Variants in ATRX observed in about 807,000 individuals in gnomAD.
ATRX encodes ATRX chromatin remodeler.
Under a neutral mutation model 172.6 loss-of-function variants are expected in ATRX, and 12 were observed. The observed-to-expected ratio is 0.07, with a 90% CI of 0.04 to 0.11. The LOEUF (loss-of-function observed/expected upper bound fraction) is 0.11. ATRX is among the 10% of genes least tolerant of loss of function. The pLI, the probability that ATRX is intolerant of heterozygous loss-of-function variation, is 1.00. For missense variants in ATRX, 1,368 were observed against 1,767.4 expected (o/e 0.77, Z 4.05); for synonymous variants, 674 against 594.7 (o/e 1.13, Z -1.94).
At chrX:77,689,227 G>A (rs1450476196) in intron 6 of ATRX, among the ~76,000 whole-genome samples, 2 of 111,816 alleles carry the variant, frequency 1.8e-5, no homozygotes, top group Non-Finnish European at 3.8e-5. Flanking sequence ...GGGGCCAAGA[G>A]CTCTTATTTT....
intron 30 of ATRX, among the ~76,000 whole-genome samples, chrX:77,525,025 GGTA>G (rs2063338476): frequency 9.0e-6 from 1 of 111,304 alleles, no homozygotes; most frequent in South Asian, 3.9e-4. Context: ...GATTACAACA[GGTA>G]TAATCCATTT....
At chrX:77,666,725 T>C (rs2070259155) in intron 10 of ATRX, among the ~76,000 whole-genome samples, 1 of 111,807 alleles carries the variant, frequency 8.9e-6, no homozygotes, top group African/African-American at 3.3e-5. Flanking sequence ...CTGGGTGTGG[T>C]GGCGCATGCC....
chrX:77,674,463 T>A (rs1285426333), intron 10 of ATRX: 1 of 111,544 alleles, frequency 9.0e-6, no homozygotes, highest in African/African-American at 3.2e-5. Context: ...TTGTATTTTT[T>A]AATCACAAAT....
chrX:77,634,523 A>C, intron 17 of ATRX, 71 bp downstream of exon 17: 1 of 918,662 alleles, frequency 1.1e-6, no homozygotes, highest in African/African-American at 1.9e-5. Context: ...CTGTGCCTGA[A>C]ACATAATAGA....
intron 7 of ATRX, among the ~76,000 whole-genome samples, chrX:77,686,589 G>A (rs1395282049): frequency 3.6e-5 from 4 of 110,005 alleles, no homozygotes; most frequent in South Asian, 3.9e-4. Flanking sequence ...GGTGGCAAGC[G>A]CCTGTAATCC....
At chrX:77,732,931 A>G (rs1268451045) in intron 1 of ATRX, among the ~76,000 whole-genome samples, 1 of 111,681 alleles carries the variant, frequency 9.0e-6, no homozygotes, top group Non-Finnish European at 1.9e-5. Context: ...CAGCAACCAG[A>G]CAAGAGAAAG....
At chrX:77,590,107 A>G (rs1417071872) in intron 26 of ATRX, among the ~76,000 whole-genome samples, 167 bp from the exon 27 acceptor site, 2 of 111,737 alleles carry the variant, frequency 1.8e-5, no homozygotes, top group African/African-American at 3.3e-5. Context: ...GCCACCTCAG[A>G]GGAGGGAAGA....
intron 34 of ATRX, among the ~76,000 whole-genome samples, chrX:77,511,403 C>T (rs916901603): frequency 9.0e-6 from 1 of 111,339 alleles, no homozygotes; most frequent in African/African-American, 3.3e-5. Flanking sequence ...TGCCCAGACA[C>T]GAATCAATGT....
intron 30 of ATRX, among the ~76,000 whole-genome samples, chrX:77,530,732 G>A (rs1292894110): frequency 9.1e-6 from 1 of 110,185 alleles, no homozygotes; most frequent in Admixed American, 9.7e-5. Context: ...GCTAGCAGAA[G>A]ACAAGAAACA....
At chrX:77,651,217 C>CAAAAAAAAAAAAAAAAAAA (rs1170232589) in intron 15 of ATRX, among the ~76,000 whole-genome samples, 3 of 16,482 alleles carry the variant, frequency 1.8e-4, no homozygotes, top group African/African-American at 7.6e-4. Flanking sequence ...AACTCCATCT[C>CAAAAAAAAAAAAAAAAAAA]AAAAAAAAAA....
chrX:77,716,321 A>AT (rs1156236419), intron 2 of ATRX, among the ~76,000 whole-genome samples: 73 of 38,011 alleles, frequency 1.9e-3, no homozygotes, highest in East Asian at 1.0e-2. Flanking sequence ...AAAAAAAAAA[A>AT]AAATATATAT....
intron 15 of ATRX, among the ~76,000 whole-genome samples, chrX:77,636,564 C>T (rs1038033040): frequency 1.8e-4 from 20 of 110,940 alleles, no homozygotes; most frequent in African/African-American, 6.6e-4. Context: ...AGAACTAATA[C>T]ACTACTATTT....
Position 77,682,164 on chromosome X carries a change from C to A in ATRX, c.3092G>T (p.Gly1031Val), listed in dbSNP as rs782088552. ...TGTTCCATTCTTAATTTGTTTTATGCCCTTAGGAAAATGACAAATTTCTTC... is the reference window on the plus strand; with the variant it reads ...TGTTCCATTCTTAATTTGTTTTATGACCTTAGGAAAATGACAAATTTCTTC... ...EREEICHFPK[G>V]IKQIKNGTTD... is the part of the protein sequence containing the mutation. Residue 1031 changes from glycine (G) to valine (V), a missense_variant, in exon 9 of 35, where the codon GGC becomes GTC. Transcript: ENST00000373344. 6 of 1,208,911 alleles carry A rather than the reference C, an allele frequency of 5.0e-6. No homozygotes were observed. The highest frequency in any genetic ancestry group is 5.9e-5 in the East Asian group (2 of 33,740).
At chrX:77,579,044 G>C (rs1335884271) in intron 27 of ATRX, among the ~76,000 whole-genome samples, 1 of 112,644 alleles carries the variant, frequency 8.9e-6, no homozygotes, top group Non-Finnish European at 1.9e-5. Context: ...GCCACGAAGA[G>C]AGGCTCCTCT....
At chrX:77,622,724 G>A (rs1435614027) in intron 19 of ATRX, among the ~76,000 whole-genome samples, 2 of 111,177 alleles carry the variant, frequency 1.8e-5, no homozygotes, top group South Asian at 3.8e-4. Context: ...GTGGAAAGCC[G>A]GGGACAAGTT....
intron 10 of ATRX, 52 bp downstream of exon 10, chrX:77,676,174 A>G (rs377476367): frequency 1.8e-6 from 2 of 1,118,595 alleles, no homozygotes; most frequent in Non-Finnish European, 2.4e-6. Context: ...GTTTGTGCCC[A>G]TGCCTAGGGT....
At chrX:77,741,439 T>TGG (rs2074863903) in intron 1 of ATRX, among the ~76,000 whole-genome samples, 2 of 104,493 alleles carry the variant, frequency 1.9e-5, no homozygotes, top group Non-Finnish European at 3.9e-5. Context: ...GACCTTTTTT[T>TGG]TGGGGGGGGG....
At chrX:77,773,191 T>C (rs1557200238) in intron 1 of ATRX, among the ~76,000 whole-genome samples, 1 of 108,583 alleles carries the variant, frequency 9.2e-6, no homozygotes, top group African/African-American at 3.3e-5. Context: ...TATTATTTCA[T>C]ATGCTTAACA....
chrX:77,583,422 G>A (rs376472757), intron 27 of ATRX, among the ~76,000 whole-genome samples: 1 of 110,818 alleles, frequency 9.0e-6, no homozygotes, highest in East Asian at 2.8e-4. Context: ...TACTCAGGAG[G>A]CTGAAGCAGG....
Sources: allele counts gnomAD v4.1 joint callset (sites outside exome capture counted in the v4.1 genomes callset), GRCh38; gene constraint gnomAD v4.1.1; transcripts MANE v1.5; gene names NCBI Gene and HGNC (gene_info 2026-07-23, HGNC 2026-07-21).